The following SPECC1 variants were observed in gnomAD, a reference collection of about 807,000 sequenced individuals.
The protein encoded by SPECC1 is cytospin-B.
In SPECC1, 62 loss-of-function variants were observed where a neutral mutation model predicts 104.1. The observed-to-expected ratio is 0.60, with a 90% CI of 0.49 to 0.74. SPECC1 has a LOEUF of 0.74. Ranked by LOEUF, SPECC1 falls within the 30% of genes least tolerant of loss-of-function variation. The pLI is 0.00. For missense variants in SPECC1, 1,306 were observed against 1,310.5 expected (o/e 1.00, Z 0.05); for synonymous variants, 513 against 501.6 (o/e 1.02, Z -0.30).
intron 9 of SPECC1, among the ~76,000 whole-genome samples, chr17:20,249,744 C>T (rs7207458): frequency 0.26 from 38,812 of 151,802 alleles, 6,355 homozygotes; most frequent in African/African-American, 0.47. Flanking sequence ...GAAGACAAGT[C>T]AGTATAAATA....
chr17:20,286,851 G>A (rs1772975146), intron 12 of SPECC1, among the ~76,000 whole-genome samples: 1 of 152,198 alleles, frequency 6.6e-6, no homozygotes, highest in African/African-American at 2.4e-5. Flanking sequence ...CCAAGAGACT[G>A]GTGAATGATG....
intron 3 of SPECC1, among the ~76,000 whole-genome samples, chr17:20,201,158 A>G (rs1296830684): frequency 6.6e-6 from 1 of 151,998 alleles, no homozygotes; most frequent in East Asian, 1.9e-4. Context: ...CAAACAATTG[A>G]AGGTTTAAAA....
At chr17:20,178,248 G>C (rs1424848711) in intron 3 of SPECC1, among the ~76,000 whole-genome samples, 1 of 152,112 alleles carries the variant, frequency 6.6e-6, no homozygotes, top group Non-Finnish European at 1.5e-5. Context: ...TGTTTCCTCA[G>C]GGCAGGAGTG....
intron 3 of SPECC1, among the ~76,000 whole-genome samples, chr17:20,163,845 G>A (rs914996409): frequency 2.0e-5 from 3 of 152,052 alleles, no homozygotes; most frequent in African/African-American, 7.2e-5. Flanking sequence ...TTATAGGTGT[G>A]AGCCACAGTG....
At chr17:20,291,061 A>G (rs2141967753) in intron 12 of SPECC1, among the ~76,000 whole-genome samples, 1 of 152,364 alleles carries the variant, frequency 6.6e-6, no homozygotes, top group East Asian at 1.9e-4. Flanking sequence ...AAGGGTGAGA[A>G]GGAGAACCTG....
intron 1 of SPECC1, among the ~76,000 whole-genome samples, chr17:20,056,108 A>G (rs2045954418): frequency 2.0e-5 from 3 of 152,252 alleles, no homozygotes; most frequent in African/African-American, 4.8e-5. Context: ...GAGACTTAGT[A>G]GCATCTTTAA....
chr17:20,294,042 T>G (rs2041259634), intron 12 of SPECC1, among the ~76,000 whole-genome samples: 1 of 152,142 alleles, frequency 6.6e-6, no homozygotes, highest in South Asian at 2.1e-4. Context: ...AGTGCAGTGG[T>G]GCAATCTCAG....
intron 4 of SPECC1, among the ~76,000 whole-genome samples, chr17:20,215,390 A>G (rs1015853019): frequency 2.0e-4 from 31 of 152,340 alleles, no homozygotes; most frequent in African/African-American, 6.7e-4. Context: ...TATATAATAA[A>G]CAGATTAAGT....
intron 9 of SPECC1, among the ~76,000 whole-genome samples, 163 bp from the exon 10 acceptor site, chr17:20,253,342 A>G (rs542858211): frequency 6.6e-6 from 1 of 152,280 alleles, no homozygotes; most frequent in African/African-American, 2.4e-5. Flanking sequence ...TGTCTATTGC[A>G]TGTATTACCT....
intron 4 of SPECC1, among the ~76,000 whole-genome samples, chr17:20,216,610 A>G (rs1312206816): frequency 6.6e-6 from 1 of 152,136 alleles, no homozygotes; most frequent in African/African-American, 2.4e-5. Flanking sequence ...GGCCCTGCGT[A>G]GGAACCTCTG....
chr17:20,094,381 G>C (rs2047547389), intron 1 of SPECC1, among the ~76,000 whole-genome samples: 1 of 152,204 alleles, frequency 6.6e-6, no homozygotes, highest in Non-Finnish European at 1.5e-5. Context: ...TTTGTTGCCA[G>C]AGATTAAGAG....
At chr17:20,029,310 G>A (rs148175987) in intron 1 of SPECC1, among the ~76,000 whole-genome samples, 1 of 151,878 alleles carries the variant, frequency 6.6e-6, no homozygotes, top group African/African-American at 2.4e-5. Flanking sequence ...CTCATTTTTG[G>A]GTTGTTCACT....
At chr17:20,270,015 A>G (rs1361051194) in intron 12 of SPECC1, among the ~76,000 whole-genome samples, 2 of 152,194 alleles carry the variant, frequency 1.3e-5, no homozygotes, top group Admixed American at 1.3e-4. Flanking sequence ...TGCAAAATCT[A>G]CATCTTGTAT....
intron 1 of SPECC1, among the ~76,000 whole-genome samples, chr17:20,029,011 C>T (rs929185750): frequency 1.3e-5 from 2 of 152,154 alleles, no homozygotes; most frequent in Non-Finnish European, 2.9e-5. Flanking sequence ...ATCTGCGTGC[C>T]TCAGCCTCCC....
intron 12 of SPECC1, among the ~76,000 whole-genome samples, chr17:20,272,845 C>T (rs2040452734): frequency 6.6e-6 from 1 of 152,206 alleles, no homozygotes; most frequent in African/African-American, 2.4e-5. Flanking sequence ...TACAATGTTA[C>T]ATATGAATTT....
chr17:20,028,512 C>G (rs376063050), intron 1 of SPECC1, among the ~76,000 whole-genome samples: 4 of 152,102 alleles, frequency 2.6e-5, no homozygotes, highest in East Asian at 3.9e-4. Context: ...AAAGCACTTA[C>G]CATAGATGTT....
At chr17:20,266,509 G>A (rs192106445) in intron 12 of SPECC1, among the ~76,000 whole-genome samples, 287 of 152,314 alleles carry the variant, frequency 1.9e-3, no homozygotes, top group Middle Eastern at 6.8e-3. Flanking sequence ...GCGTGAACCC[G>A]GGAGGCGGAG....
chr17:20,316,703 GTT>G lies in SPECC1; in HGVS notation c.*2648_*2649del, dbSNP rs58803620. The G allele has an allele frequency of 3.9e-5, 7 of 180,094 alleles. No individual in the cohort carries two copies. The highest frequency in any genetic ancestry group is 4.8e-5 in the African/African-American group (2 of 41,312). The allele number at this position is 180,094 out of a possible 1,614,324, so 11.2% of individuals were successfully genotyped here. ...GTGTTTTTTTTGTTGTTGTTTGTTT[GTT>G]TTTTTTTTTGAGACAGAGTCTTGCT... On this transcript the variant is annotated 3_prime_UTR_variant, in exon 15 of 15. Transcript: ENST00000395527.
At chr17:20,023,123 A>G (rs143435733) in intron 1 of SPECC1, among the ~76,000 whole-genome samples, 1 of 152,194 alleles carries the variant, frequency 6.6e-6, no homozygotes, top group African/African-American at 2.4e-5. Flanking sequence ...CTATAGAGTA[A>G]ATATTTTAGG....
Sources: gnomAD v4.1 joint callset for allele counts (sites outside exome capture counted in the v4.1 genomes callset) on GRCh38, gnomAD v4.1.1 for gene constraint, MANE v1.5 for transcripts, NCBI Gene and HGNC (gene_info 2026-07-23, HGNC 2026-07-21) for gene names.